The following MAGED1 variants were observed in gnomAD, a reference collection of about 807,000 sequenced individuals.
MAGED1 encodes melanoma-associated antigen D1.
MAGED1 carries 3 observed loss-of-function variants against 54.1 expected under a neutral mutation model. The ratio of observed to expected loss-of-function variants is 0.06; its 90% CI spans 0.03 to 0.14. The LOEUF (loss-of-function observed/expected upper bound fraction) is 0.14, where lower values mean the gene tolerates loss of function less well. MAGED1 is among the 10% of genes least tolerant of loss of function. The pLI, the probability that MAGED1 is intolerant of heterozygous loss-of-function variation, is 1.00. For missense variants in MAGED1, 485 were observed against 623.4 expected (o/e 0.78, Z 2.36); for synonymous variants, 217 against 227.3 (o/e 0.95, Z 0.41).
chrX:51,824,310 G>A (rs1557356776), intron 1 of MAGED1, among the ~76,000 whole-genome samples: 1 of 110,756 alleles, frequency 9.0e-6, no homozygotes, highest in Non-Finnish European at 1.9e-5. Flanking sequence ...ATTCTTGATT[G>A]CAGTTTTTTT....
intron 1 of MAGED1, among the ~76,000 whole-genome samples, chrX:51,846,671 A>G (rs781829809): frequency 2.7e-5 from 3 of 111,679 alleles, no homozygotes; most frequent in Admixed American, 1.9e-4. Context: ...CAGAAAACTT[A>G]ACAATCATGG....
chrX:51,820,262 A>G (rs2146956209), intron 1 of MAGED1, among the ~76,000 whole-genome samples: 1 of 111,844 alleles, frequency 8.9e-6, no homozygotes, highest in East Asian at 2.8e-4. Context: ...ATTTTGAGTT[A>G]CTTCCATTTT....
intron 1 of MAGED1, among the ~76,000 whole-genome samples, chrX:51,804,718 G>T (rs544602651): frequency 9.0e-6 from 1 of 110,753 alleles, no homozygotes; most frequent in East Asian, 2.8e-4. Context: ...AAATAAAAAA[G>T]AAAAAAACAA....
chrX:51,861,236 AT>A (rs1338827057), intron 1 of MAGED1, among the ~76,000 whole-genome samples: 2 of 111,415 alleles, frequency 1.8e-5, no homozygotes, highest in East Asian at 2.8e-4. Context: ...TTTATTTTGA[AT>A]TTTTTTATTA....
chrX:51,902,115 T>G, intron 12 of MAGED1, 31 bp from the exon 13 acceptor site: 1 of 392,066 alleles, frequency 2.6e-6, no homozygotes, highest in African/African-American at 2.5e-5. Flanking sequence ...ATATCATTGA[T>G]TTTTTTACTT....
At chrX:51,814,298 G>T (rs1020361319) in intron 1 of MAGED1, among the ~76,000 whole-genome samples, 1 of 110,518 alleles carries the variant, frequency 9.0e-6, no homozygotes, top group Non-Finnish European at 1.9e-5. Context: ...TACCGCCGCC[G>T]CCGCTGCCGC....
chrX:51,830,875 T>C (rs1312893889), intron 1 of MAGED1, among the ~76,000 whole-genome samples: 3 of 112,280 alleles, frequency 2.7e-5, no homozygotes, highest in African/African-American at 9.7e-5. Context: ...TATTTATTTA[T>C]TTACTGAGAC....
intron 2 of MAGED1, 150 bp from the exon 3 acceptor site, chrX:51,894,903 C>T (rs935925049): frequency 8.8e-5 from 81 of 924,029 alleles, no homozygotes; most frequent in Admixed American, 1.7e-4. Context: ...CCCTCGCGGG[C>T]CCCCTAGATC....
At chrX:51,839,062 T>C (rs1926359797) in intron 1 of MAGED1, among the ~76,000 whole-genome samples, 1 of 111,488 alleles carries the variant, frequency 9.0e-6, no homozygotes, top group South Asian at 3.8e-4. Context: ...TATTTTAAAA[T>C]TAAAAAAATC....
chrX:51,847,604 C>T (rs1264133529), intron 1 of MAGED1, among the ~76,000 whole-genome samples: 1 of 110,266 alleles, frequency 9.1e-6, no homozygotes, highest in Non-Finnish European at 1.9e-5. Context: ...AGGCTCCCAT[C>T]TCACAGATTG....
chrX:51,819,712 G>A (rs1027311396), intron 1 of MAGED1, among the ~76,000 whole-genome samples: 2 of 111,229 alleles, frequency 1.8e-5, no homozygotes, highest in Admixed American at 1.9e-4. Context: ...GTCCCTAACA[G>A]ATACATGATT....
intron 1 of MAGED1, among the ~76,000 whole-genome samples, chrX:51,876,967 G>A (rs917988520): frequency 1.8e-5 from 2 of 111,214 alleles, no homozygotes; most frequent in Non-Finnish European, 3.8e-5. Context: ...GTCTTCAAAG[G>A]TAAATTACTA....
intron 1 of MAGED1, among the ~76,000 whole-genome samples, chrX:51,829,317 ATGTGTG>A (rs199532389): frequency 9.3e-6 from 1 of 107,736 alleles, no homozygotes; most frequent in South Asian, 3.9e-4. Context: ...GTGTTTGTGT[ATGTGTG>A]TGTGTGTGTG....
Position 51,895,037 on chromosome X carries a change from C to A in MAGED1, c.46-16C>A. On this transcript the variant is annotated splice_polypyrimidine_tract_variant and intron_variant, in intron 2 of 12. Coordinates refer to ENST00000326587, the MANE Select transcript of MAGED1 (RefSeq NM_006986.4). Reference sequence around the variant, plus strand: ...AGAGGCCCAGAGATTTAATTTTTTCCCCCCTGTGTTTGCAGGCTGAGGCCT... The same window carrying A: ...AGAGGCCCAGAGATTTAATTTTTTCACCCCTGTGTTTGCAGGCTGAGGCCT... 8.6e-7 allele frequency: 1 copy of A among 1,168,554 alleles called. No homozygotes were observed. The highest frequency in any genetic ancestry group is 1.2e-6 in the Non-Finnish European group (1 of 868,145).
chrX:51,805,182 C>T (rs781818012), intron 1 of MAGED1, among the ~76,000 whole-genome samples: 6 of 111,923 alleles, frequency 5.4e-5, no homozygotes, highest in African/African-American at 9.8e-5. Context: ...TTATCTCTCT[C>T]GCTGCTCTTA....
intron 1 of MAGED1, among the ~76,000 whole-genome samples, chrX:51,873,530 T>TGAGA (rs1310818304): frequency 9.8e-5 from 5 of 51,257 alleles, no homozygotes; most frequent in Non-Finnish European, 1.4e-4. Flanking sequence ...TGTGTGTGTG[T>TGAGA]GTGTGAGAGA....
chrX:51,897,960 G>C, intron 7 of MAGED1, 74 bp downstream of exon 7: 1 of 938,371 alleles, frequency 1.1e-6, no homozygotes, highest in South Asian at 2.1e-5. Context: ...CGTAGATCAG[G>C]GTCCAGGGTT....
At chrX:51,883,087 C>T (rs956047870) in intron 1 of MAGED1, among the ~76,000 whole-genome samples, 35 of 111,388 alleles carry the variant, frequency 3.1e-4, no homozygotes, top group Admixed American at 3.1e-3. Flanking sequence ...AGAGAGACTT[C>T]CACCCTTGCC....
chrX:51,879,284 C>A (rs949737031), intron 1 of MAGED1, among the ~76,000 whole-genome samples: 1 of 111,647 alleles, frequency 9.0e-6, no homozygotes, highest in African/African-American at 3.2e-5. Flanking sequence ...TGCCCTATAT[C>A]ATTTTCTTTC....
Sources: allele counts gnomAD v4.1 joint callset (sites outside exome capture counted in the v4.1 genomes callset), GRCh38; gene constraint gnomAD v4.1.1; transcripts MANE v1.5; gene names NCBI Gene and HGNC (gene_info 2026-07-23, HGNC 2026-07-21).